CLNS1A: variants seen among roughly 807,000 people sequenced by gnomAD.
CLNS1A encodes the protein methylosome subunit pICln.
In CLNS1A, 16 loss-of-function variants were observed where a neutral mutation model predicts 29.4. The observed-to-expected ratio is 0.54, with a 90% CI of 0.37 to 0.83. The LOEUF is 0.83. CLNS1A is among the 40% of genes least tolerant of loss of function. The pLI, the probability that CLNS1A is intolerant of heterozygous loss-of-function variation, is 0.00. For missense variants in CLNS1A, 235 were observed against 287.4 expected (o/e 0.82, Z 1.32); for synonymous variants, 96 against 104.8 (o/e 0.92, Z 0.51).
chr11:77,617,535 C>G (rs1958917203), intron 6 of CLNS1A, among the ~76,000 whole-genome samples: 2 of 150,910 alleles, frequency 1.3e-5, no homozygotes, highest in Non-Finnish European at 3.0e-5. Flanking sequence ...AGCGAGACTC[C>G]CGTGTCAAAA....
rs915263944 is a variant in CLNS1A, at chr11:77,625,596, C to T, written c.364+121G>A. 5.1e-6 allele frequency: 4 copies of T among 781,058 alleles called. No homozygotes were observed. The East Asian group carries it at 8.4e-5, about 16-fold the overall frequency. The allele number at this position is 781,058 out of a possible 1,614,324, so 48.4% of individuals were successfully genotyped here. On this transcript the variant is annotated intron_variant, in intron 3 of 6. Transcript: ENST00000525428. ...TACCAATGCTAAAATAAAGAAAAAG[C>T]AATAGAATGGAGGTAATGGTGGTAA...
intron 1 of CLNS1A, among the ~76,000 whole-genome samples, chr11:77,637,274 G>GAAAAA (rs1959139272): frequency 2.4e-5 from 1 of 41,362 alleles, no homozygotes; most frequent in African/African-American, 1.1e-4. Context: ...ATAAAAGAAA[G>GAAAAA]AAAGAAAGAA....
At chr11:77,617,686 G>A (rs535163374) in intron 6 of CLNS1A, among the ~76,000 whole-genome samples, 14 of 152,046 alleles carry the variant, frequency 9.2e-5, no homozygotes, top group Admixed American at 3.9e-4. Context: ...TTGAGAGGCC[G>A]AGGCAGGCGG....
Position 77,624,168 on chromosome 11 carries a change from G to A in CLNS1A, c.472+795C>T, listed in dbSNP as rs552671137. Among the ~76,000 whole-genome samples the A allele has an allele frequency of 6.6e-5, 10 of 152,328 alleles. No individual in the cohort carries two copies. In the South Asian group the frequency reaches 2.1e-3, roughly 32 times the overall value. On this transcript the variant is annotated intron_variant, in intron 4 of 6. Coordinates refer to ENST00000525428, the MANE Select transcript of CLNS1A (RefSeq NM_001293.3). ...TAGTCCCAGGTACTCAAGAGGCTGAGCTGGGAGAATCATTTGAGTCCAGCA... is the reference window on the plus strand; with the variant it reads ...TAGTCCCAGGTACTCAAGAGGCTGAACTGGGAGAATCATTTGAGTCCAGCA...
chr11:77,629,050 T>G (rs1380888352), intron 2 of CLNS1A, among the ~76,000 whole-genome samples: 1 of 151,532 alleles, frequency 6.6e-6, no homozygotes, highest in Non-Finnish European at 1.5e-5. Flanking sequence ...GGAAAATATA[T>G]CCCCCCTACA....
At chr11:77,627,096 AT>A (rs1959027891) in intron 2 of CLNS1A, among the ~76,000 whole-genome samples, 1 of 151,846 alleles carries the variant, frequency 6.6e-6, no homozygotes, top group South Asian at 2.1e-4. Context: ...GGCTGGGAAA[AT>A]ATGATTCAAG....
intron 3 of CLNS1A, 128 bp downstream of exon 3, chr11:77,625,589 G>A (rs1290408501): frequency 1.3e-6 from 1 of 759,328 alleles, no homozygotes; most frequent in Non-Finnish European, 2.0e-6. Context: ...CTAAAATAAA[G>A]AAAAAGCAAT....
intron 6 of CLNS1A, among the ~76,000 whole-genome samples, chr11:77,617,989 G>A (rs958109088): frequency 6.6e-6 from 1 of 151,778 alleles, no homozygotes; most frequent in Non-Finnish European, 1.5e-5. Flanking sequence ...TGAGCTCTAG[G>A]ATAAAATTAA....
chr11:77,625,649 G>A (rs1565126624), intron 3 of CLNS1A, 68 bp downstream of exon 3: 6 of 1,083,140 alleles, frequency 5.5e-6, no homozygotes, highest in African/African-American at 1.6e-5. Flanking sequence ...GTGTGTGTAT[G>A]TGTGTGTGTG....
chr11:77,620,375 C>T (rs1958944792), intron 5 of CLNS1A, among the ~76,000 whole-genome samples: 2 of 152,234 alleles, frequency 1.3e-5, no homozygotes, highest in African/African-American at 4.8e-5. Context: ...TCGTCTTCCA[C>T]CACGATTGTG....
chr11:77,626,836 C>T (rs1485258911), intron 2 of CLNS1A, among the ~76,000 whole-genome samples: 2 of 150,854 alleles, frequency 1.3e-5, no homozygotes, highest in African/African-American at 2.4e-5. Context: ...GGACTACAGG[C>T]GCCCGCCACC....
rs1370305140 is a variant in CLNS1A at position 77,616,416 on chromosome 11, C to T, written c.*302G>A. The T allele has an allele frequency of 6.6e-6, 1 of 152,606 alleles. No individual in the cohort carries two copies. The highest frequency in any genetic ancestry group is 2.4e-5 in the African/African-American group (1 of 41,444). The allele number at this position is 152,606 out of a possible 1,614,324, so 9.5% of individuals were successfully genotyped here. ...TCTGCTAGCTTACAAATGATGCACACAGTCAAGGTAGGAATTATAGGCCTA... is the reference window on the plus strand; with the variant it reads ...TCTGCTAGCTTACAAATGATGCACATAGTCAAGGTAGGAATTATAGGCCTA... On this transcript the variant is annotated 3_prime_UTR_variant, in exon 7 of 7. Transcript: ENST00000525428.
intron 5 of CLNS1A, among the ~76,000 whole-genome samples, chr11:77,620,141 C>A (rs1474054288): frequency 6.6e-6 from 1 of 152,020 alleles, no homozygotes; most frequent in Non-Finnish European, 1.5e-5. Context: ...AAAACAAGAG[C>A]CCTGATATGG....
chr11:77,616,896 G>T (rs1237931478), intron 6 of CLNS1A, among the ~76,000 whole-genome samples: 3 of 152,184 alleles, frequency 2.0e-5, no homozygotes, highest in Non-Finnish European at 2.9e-5. Context: ...CTTGTCCAAA[G>T]GTGTACACAA....
chr11:77,617,292 CG>C (rs559756829), intron 6 of CLNS1A, among the ~76,000 whole-genome samples: 58 of 139,174 alleles, frequency 4.2e-4, no homozygotes, highest in East Asian at 2.2e-3. Context: ...CACTTGAACC[CG>C]GGGGGGCGGA....
At chr11:77,620,393 C>T (rs1362557201) in intron 5 of CLNS1A, among the ~76,000 whole-genome samples, 2 of 152,184 alleles carry the variant, frequency 1.3e-5, no homozygotes, top group Non-Finnish European at 2.9e-5. Flanking sequence ...GTGAGGTTTC[C>T]CCAGCCATAT....
chr11:77,636,621 A>G (rs1039977405), intron 1 of CLNS1A, among the ~76,000 whole-genome samples: 1 of 152,198 alleles, frequency 6.6e-6, no homozygotes, highest in Non-Finnish European at 1.5e-5. Context: ...TGAATATGTT[A>G]TATTACACAG....
At chr11:77,617,038 T>C (rs2135757170) in intron 6 of CLNS1A, among the ~76,000 whole-genome samples, 1 of 152,336 alleles carries the variant, frequency 6.6e-6, no homozygotes, top group South Asian at 2.1e-4. Context: ...TTATTCCTTA[T>C]TCATTCTTTT....
intron 4 of CLNS1A, among the ~76,000 whole-genome samples, chr11:77,624,560 C>A (rs1055315311): frequency 6.6e-6 from 1 of 152,192 alleles, no homozygotes; most frequent in Admixed American, 6.6e-5. Context: ...TGGCTCACAC[C>A]TGTAATCCCA....
Sources: gnomAD v4.1 joint callset for allele counts (sites outside exome capture counted in the v4.1 genomes callset) on GRCh38, gnomAD v4.1.1 for gene constraint, MANE v1.5 for transcripts, NCBI Gene and HGNC (gene_info 2026-07-23, HGNC 2026-07-21) for gene names.